The following CPSF4L variants were observed in gnomAD, a reference collection of about 807,000 sequenced individuals.
CPSF4L encodes the protein putative cleavage and polyadenylation specificity factor subunit 4-like protein.
Under a neutral mutation model 24.0 loss-of-function variants are expected in CPSF4L, and 18 were observed. The observed-to-expected ratio is 0.75, with a 90% CI of 0.52 to 1.11. The LOEUF (loss-of-function observed/expected upper bound fraction) is 1.11, where lower values mean the gene tolerates loss of function less well. Ranked by LOEUF, CPSF4L falls within the 50% of genes least tolerant of loss-of-function variation. The probability of loss-of-function intolerance (pLI) is 0.00; values close to 1 mark genes in which losing one functional copy is unlikely to be tolerated. For missense variants in CPSF4L, 211 were observed against 221.8 expected, an observed-to-expected ratio of 0.95 and a Z score of 0.31; for synonymous variants, 72 against 77.2, an observed-to-expected ratio of 0.93 and a Z score of 0.35.
intron 5 of CPSF4L, 36 bp downstream of exon 5, chr17:73,252,594 T>G (rs558875854): frequency 7.7e-7 from 1 of 1,306,308 alleles, no homozygotes; most frequent in African/African-American, 1.5e-5. Flanking sequence ...GGCCTAGCAC[T>G]CTGGTGGGAG....
intron 1 of CPSF4L, 29 bp downstream of exon 1, chr17:73,261,687 G>T: frequency 7.2e-7 from 1 of 1,392,040 alleles, no homozygotes; most frequent in Non-Finnish European, 1.0e-6. Context: ...AGAAGGTAGG[G>T]GAGGGAAAGT....
chr17:73,257,083 G>T (rs1229848470), intron 3 of CPSF4L, among the ~76,000 whole-genome samples: 2 of 152,136 alleles, frequency 1.3e-5, no homozygotes, highest in African/African-American at 4.8e-5. Flanking sequence ...CCAGAGGGAG[G>T]TAAGATGCTG....
At chr17:73,257,857 TG>T in intron 2 of CPSF4L, 24 bp from the exon 3 acceptor site, 1 of 1,550,294 alleles carries the variant, frequency 6.5e-7, no homozygotes, top group South Asian at 1.2e-5. Flanking sequence ...AGCACCTGGC[TG>T]GGAGGCCCCT....
At chr17:73,243,118 T>C in the CPSF4L span, 4 of 769,530 alleles carry the variant, frequency 5.2e-6, no homozygotes, top group Non-Finnish European at 8.7e-6. Context: ...TTACAGTATC[T>C]GGCATGCCCT....
At chr17:73,261,388 G>A (rs1290920989) in intron 1 of CPSF4L, among the ~76,000 whole-genome samples, 19 of 152,338 alleles carry the variant, frequency 1.2e-4, no homozygotes, top group South Asian at 4.1e-4. Flanking sequence ...GAGGCTGGGC[G>A]TGGTGGCTCA....
chr17:73,261,004 G>C (rs368084663), intron 1 of CPSF4L, 21 bp from the exon 2 acceptor site: 33 of 1,546,804 alleles, frequency 2.1e-5, no homozygotes, highest in Non-Finnish European at 2.8e-5. Flanking sequence ...AAGAGGGAAC[G>C]GAGAAGGTAG....
chr17:73,254,944 A>G (rs2062018941), intron 3 of CPSF4L, among the ~76,000 whole-genome samples: 1 of 152,110 alleles, frequency 6.6e-6, no homozygotes, highest in African/African-American at 2.4e-5. Flanking sequence ...GCCCGGACCC[A>G]GGTGTCATTT....
intron 5 of CPSF4L, among the ~76,000 whole-genome samples, chr17:73,249,292 G>A (rs928857821): frequency 1.3e-5 from 2 of 152,168 alleles, no homozygotes; most frequent in Non-Finnish European, 2.9e-5. Context: ...GGCTTGCTTT[G>A]TGCCGAGTGC....
At chr17:73,257,583 A>T in intron 3 of CPSF4L, 98 bp downstream of exon 3, 1 of 1,288,090 alleles carries the variant, frequency 7.8e-7, no homozygotes, top group South Asian at 1.4e-5. Context: ...GGACATGTCC[A>T]GCCTCCTCTG....
intron 5 of CPSF4L, among the ~76,000 whole-genome samples, chr17:73,250,529 C>T (rs1330104638): frequency 6.6e-6 from 1 of 152,156 alleles, no homozygotes; most frequent in African/African-American, 2.4e-5. Context: ...GCCACTCTTA[C>T]CTGTCATCCC....
the CPSF4L span, chr17:73,242,300 C>G: frequency 7.2e-5 from 116 of 1,606,738 alleles, no homozygotes; most frequent in South Asian, 1.2e-3. Context: ...CCCTGCCGGA[C>G]TTACAACCTC....
chr17:73,242,951 G>A, the CPSF4L span: 1 of 1,613,954 alleles, frequency 6.2e-7, no homozygotes. Flanking sequence ...GCATCACGAT[G>A]CTCTTCACAG....
chr17:73,242,157 C>T, the CPSF4L span: 1 of 803,628 alleles, frequency 1.2e-6, no homozygotes, highest in East Asian at 2.8e-5. Context: ...CTTCCTGAGG[C>T]TTAGCCGTGG....
chr17:73,263,160 A>C (rs1191601572), upstream of CPSF4L, among the ~76,000 whole-genome samples: 1 of 152,176 alleles, frequency 6.6e-6, no homozygotes, highest in Non-Finnish European at 1.5e-5. Context: ...AGTAGTCCCA[A>C]GAATGCATTC....
At chr17:73,243,147 TGG>T in the CPSF4L span, 1 of 714,450 alleles carries the variant, frequency 1.4e-6, no homozygotes, top group South Asian at 1.5e-5. Flanking sequence ...AGCTATTGCC[TGG>T]GGTTTCTGGG....
intron 2 of CPSF4L, among the ~76,000 whole-genome samples, chr17:73,258,300 G>A (rs540777105): frequency 5.3e-5 from 8 of 151,660 alleles, no homozygotes; most frequent in East Asian, 1.9e-4. Context: ...GTGAGCCACC[G>A]CGCCCAGCCA....
intron 3 of CPSF4L, among the ~76,000 whole-genome samples, chr17:73,254,493 G>T (rs904951644): frequency 1.2e-4 from 18 of 152,296 alleles, no homozygotes; most frequent in African/African-American, 4.3e-4. Context: ...GCTCAAGGTG[G>T]CACAGGTATG....
At chr17:73,255,481 T>A (rs1263363612) in intron 3 of CPSF4L, among the ~76,000 whole-genome samples, 1 of 141,114 alleles carries the variant, frequency 7.1e-6, no homozygotes. Flanking sequence ...CATTCCAGCC[T>A]GGGCAACAGT....
chr17:73,242,149 TC>T, the CPSF4L span: 15 of 730,440 alleles, frequency 2.1e-5, no homozygotes, highest in South Asian at 3.0e-4. Context: ...AATATGCTCT[TC>T]CTGAGGCTTA....
Sources: allele counts gnomAD v4.1 joint callset (sites outside exome capture counted in the v4.1 genomes callset), GRCh38; gene constraint gnomAD v4.1.1; transcripts MANE v1.5; gene names NCBI Gene and HGNC (gene_info 2026-07-23, HGNC 2026-07-21).